Variants in PTPRG observed in about 807,000 individuals in gnomAD.
The protein encoded by PTPRG is protein tyrosine phosphatase receptor type G.
A neutral mutation model predicts 165.3 loss-of-function variants in PTPRG; 102 were observed. The ratio of observed to expected loss-of-function variants is 0.62; its 90% CI spans 0.53 to 0.73. PTPRG has a LOEUF of 0.73. PTPRG is among the 30% of genes least tolerant of loss of function. The pLI is 0.00. For synonymous variants in PTPRG, 675 were observed against 669.5 expected, an observed-to-expected ratio of 1.01 and a Z score of -0.13; for missense variants, 1,866 against 1,861.4, an observed-to-expected ratio of 1.00 and a Z score of -0.05.
At chr3:61,585,804 G>A (rs1180067972) in intron 1 of PTPRG, among the ~76,000 whole-genome samples, 3 of 152,196 alleles carry the variant, frequency 2.0e-5, no homozygotes, top group African/African-American at 7.2e-5. Context: ...TATTCAGCAT[G>A]CAGTTTGATT....
At chr3:61,961,388 A>T (rs2040148909) in intron 2 of PTPRG, among the ~76,000 whole-genome samples, 1 of 152,202 alleles carries the variant, frequency 6.6e-6, no homozygotes, top group South Asian at 2.1e-4. Flanking sequence ...TGGTTGCAGG[A>T]CACACAGGCA....
At chr3:61,597,979 A>C (rs1700746928) in intron 1 of PTPRG, among the ~76,000 whole-genome samples, 1 of 152,230 alleles carries the variant, frequency 6.6e-6, no homozygotes. Context: ...TTTACCAACC[A>C]AGATACGGCT....
At chr3:61,857,195 T>A (rs1559651784) in intron 2 of PTPRG, among the ~76,000 whole-genome samples, 1 of 152,086 alleles carries the variant, frequency 6.6e-6, no homozygotes, top group African/African-American at 2.4e-5. Flanking sequence ...TATTGTAAAA[T>A]CTTTAGAATT....
intron 2 of PTPRG, among the ~76,000 whole-genome samples, chr3:61,989,412 T>C (rs879544751): frequency 2.6e-5 from 4 of 152,364 alleles, no homozygotes; most frequent in Admixed American, 6.5e-5. Context: ...AAATGTTTGA[T>C]TGTAAATCAA....
chr3:62,104,572 A>G (rs116420158), intron 5 of PTPRG, among the ~76,000 whole-genome samples: 452 of 152,342 alleles, frequency 3.0e-3, no homozygotes, highest in African/African-American at 0.01. Context: ...ACAGGCAGTA[A>G]TAGGCTATTT....
intron 1 of PTPRG, among the ~76,000 whole-genome samples, chr3:61,731,429 A>T (rs1270334095): frequency 1.3e-5 from 2 of 150,268 alleles, no homozygotes; most frequent in Admixed American, 6.7e-5. Context: ...GCTCACTGCA[A>T]CCTCCGCCTC....
chr3:61,671,630 G>C (rs1450093020), intron 1 of PTPRG, among the ~76,000 whole-genome samples: 1 of 149,244 alleles, frequency 6.7e-6, no homozygotes, highest in African/African-American at 2.5e-5. Context: ...TTGTCATCAT[G>C]GCCCGTTCTC....
chr3:61,727,753 C>T (rs2032324067), intron 1 of PTPRG, among the ~76,000 whole-genome samples: 1 of 152,202 alleles, frequency 6.6e-6, no homozygotes, highest in South Asian at 2.1e-4. Flanking sequence ...AATATCAAGT[C>T]AAACAATGGT....
At chr3:61,890,717 A>C (rs910281633) in intron 2 of PTPRG, among the ~76,000 whole-genome samples, 1 of 152,040 alleles carries the variant, frequency 6.6e-6, no homozygotes, top group Non-Finnish European at 1.5e-5. Context: ...TCTAAACCCA[A>C]CTTGAGCCCT....
At chr3:61,608,983 A>G (rs551841529) in intron 1 of PTPRG, among the ~76,000 whole-genome samples, 7 of 152,228 alleles carry the variant, frequency 4.6e-5, no homozygotes, top group Non-Finnish European at 1.0e-4. Flanking sequence ...GAGGAGTGGC[A>G]GGAGTACCAG....
intron 2 of PTPRG, among the ~76,000 whole-genome samples, chr3:61,778,342 G>A (rs2034445170): frequency 6.6e-6 from 1 of 152,016 alleles, no homozygotes; most frequent in African/African-American, 2.4e-5. Flanking sequence ...ATGAAGTAGT[G>A]GCCCACAATC....
intron 2 of PTPRG, chr3:61,749,949 T>C (rs2033365169): frequency 6.6e-6 from 1 of 152,238 alleles, no homozygotes; most frequent in African/African-American, 2.4e-5. Context: ...CTGTTAAATT[T>C]ATGCCAGTGT....
chr3:61,958,838 T>C (rs1269594443), intron 2 of PTPRG, among the ~76,000 whole-genome samples: 1 of 152,202 alleles, frequency 6.6e-6, no homozygotes, highest in Non-Finnish European at 1.5e-5. Context: ...AAGGATCATT[T>C]AGTGGCAAGA....
intron 1 of PTPRG, among the ~76,000 whole-genome samples, chr3:61,565,066 C>T (rs1699874083): frequency 6.6e-6 from 1 of 152,156 alleles, no homozygotes; most frequent in Non-Finnish European, 1.5e-5. Context: ...TTTTGTGTTT[C>T]CTCTCAGAAT....
chr3:61,893,997 GA>G (rs1178667436), intron 2 of PTPRG, among the ~76,000 whole-genome samples: 1 of 152,084 alleles, frequency 6.6e-6, no homozygotes, highest in Non-Finnish European at 1.5e-5. Flanking sequence ...TATTTGCAGA[GA>G]AAGCAGCTGG....
At chr3:62,286,862 C>A (rs1012764562) in intron 28 of PTPRG, among the ~76,000 whole-genome samples, 2 of 152,088 alleles carry the variant, frequency 1.3e-5, no homozygotes, top group Non-Finnish European at 2.9e-5. Context: ...ATTCTTTAAT[C>A]CCACTTAGTT....
At chr3:61,702,258 C>T (rs1374184562) in intron 1 of PTPRG, among the ~76,000 whole-genome samples, 2 of 152,044 alleles carry the variant, frequency 1.3e-5, no homozygotes, top group African/African-American at 2.4e-5. Context: ...GGATTACAGG[C>T]GTGAGCCACC....
At chr3:61,640,404 A>ATCC (rs568796604) in intron 1 of PTPRG, among the ~76,000 whole-genome samples, 69 of 152,028 alleles carry the variant, frequency 4.5e-4, no homozygotes, top group East Asian at 3.3e-3. Context: ...ATATGTGTTG[A>ATCC]TCCTCCTCCT....
intron 1 of PTPRG, among the ~76,000 whole-genome samples, chr3:61,681,637 G>C (rs991932407): frequency 6.6e-6 from 1 of 152,068 alleles, no homozygotes; most frequent in Non-Finnish European, 1.5e-5. Context: ...TGGATTATAA[G>C]GACTCATGCC....
Sources: allele counts gnomAD v4.1 joint callset (sites outside exome capture counted in the v4.1 genomes callset), GRCh38; gene constraint gnomAD v4.1.1; transcripts MANE v1.5; gene names NCBI Gene and HGNC (gene_info 2026-07-23, HGNC 2026-07-21).